AARS2: variants seen among roughly 807,000 people sequenced by gnomAD.
The protein encoded by AARS2 is alanyl-tRNA synthetase 2, mitochondrial, also known as alanine--tRNA ligase, mitochondrial.
A neutral mutation model predicts 119.7 loss-of-function variants in AARS2; 78 were observed. The ratio of observed to expected loss-of-function variants is 0.65; its 90% confidence interval spans 0.54 to 0.79. AARS2 has a LOEUF of 0.79. AARS2 is among the 30% of genes least tolerant of loss of function. AARS2 has a pLI of 0.00. For synonymous variants in AARS2, 502 were observed against 526.3 expected (o/e 0.95, Z 0.63); for missense variants, 1,157 against 1,291.3 (o/e 0.90, Z 1.59).
In AARS2 at chr6:44,299,401, T is replaced by A. The variant is rs1391846544; in HGVS notation, c.*1146A>T. ...AGCTGGGACCAAGGTGTGGGTAGTC[T>A]CAGCTACCTGGGAGGCTGAGGCATA... On this transcript the variant is annotated 3_prime_UTR_variant, in exon 22 of 22. Transcript: ENST00000244571. Among the ~76,000 whole-genome samples the A allele has an allele frequency of 6.6e-6, 1 of 151,632 alleles. No homozygotes were observed. Among genetic ancestry groups the A allele is most frequent in the Non-Finnish European group, 1.5e-5 (1 of 67,924 alleles).
intron 19 of AARS2, 43 bp from the exon 20 acceptor site, chr6:44,301,507 C>G: frequency 6.4e-7 from 1 of 1,567,102 alleles, no homozygotes; most frequent in Non-Finnish European, 8.8e-7. Flanking sequence ...GGCTGAGAGG[C>G]AGGTTTCCAA....
chr6:44,310,921 G>T, intron 4 of AARS2, 73 bp downstream of exon 4: 4 of 1,592,274 alleles, frequency 2.5e-6, no homozygotes, highest in Non-Finnish European at 3.4e-6. Flanking sequence ...ATATGAAACA[G>T]ATCAAAGTCT....
In AARS2 at chr6:44,310,348, G is replaced by T; in HGVS notation, c.845C>A (p.Ser282Tyr). Residue 282 changes from serine (S) to tyrosine (Y), a missense_variant, in exon 5 of 22, where the codon TCC (serine) becomes TAC (tyrosine). By Grantham distance (144) the Ser-to-Tyr change is moderately radical. Transcript: ENST00000244571. Reference protein sequence around the residue: ...RLVAVLQGKHSTYDTDLFSPL... With the variant: ...RLVAVLQGKHYTYDTDLFSPL... ...GGAAAAGAGGTCAGTGTCATAGGTG[G>T]AGTGTTTGCCTTGCAGCACAGCCAC... 1 of 1,613,364 alleles carries T rather than the reference G, an allele frequency of 6.2e-7. No homozygotes were observed.
At chr6:44,312,373 C>T in intron 1 of AARS2, 110 bp from the exon 2 acceptor site, 1 of 1,113,806 alleles carries the variant, frequency 9.0e-7, no homozygotes, top group Non-Finnish European at 1.3e-6. Flanking sequence ...GCTGACTGTG[C>T]CCCTGAGAGT....
chr6:44,308,427 T>C (rs1786051014), intron 5 of AARS2, among the ~76,000 whole-genome samples: 1 of 151,708 alleles, frequency 6.6e-6, no homozygotes, highest in African/African-American at 2.4e-5. Context: ...TAATCCCAGC[T>C]ACTCTGGAGG....
intron 9 of AARS2, 83 bp downstream of exon 9, chr6:44,306,196 TG>T: frequency 7.7e-7 from 1 of 1,301,256 alleles, no homozygotes; most frequent in African/African-American, 1.5e-5. Flanking sequence ...ATATGAGGCA[TG>T]GGGCTGGCCC....
At chr6:44,312,290 G>A (rs1296215746) in intron 1 of AARS2, 27 bp from the exon 2 acceptor site, 1 of 1,608,128 alleles carries the variant, frequency 6.2e-7, no homozygotes, top group South Asian at 1.1e-5. Context: ...TGGGGAGGGG[G>A]AGAGGGATAT....
In AARS2 at chr6:44,308,019, A is replaced by C. The variant is rs142787870; in HGVS notation, c.895-625T>G. ...GTCAATAGCCTGGGAGCCATCTTTG[A>C]ATTCTTTTTCCCCTACCCGTCATGA... On this transcript the variant is annotated intron_variant, in intron 5 of 21. Coordinates refer to ENST00000244571, the MANE Select transcript of AARS2 (RefSeq NM_020745.4). Among the ~76,000 whole-genome samples the C allele has an allele frequency of 1.8e-3, 274 of 152,278 alleles. 1 individual carries two copies. Among genetic ancestry groups the C allele is most frequent in the Middle Eastern group, 6.8e-3 (2 of 294 alleles).
intron 20 of AARS2, 27 bp from the exon 21 acceptor site, chr6:44,301,293 C>G: frequency 6.2e-7 from 1 of 1,613,414 alleles, no homozygotes; most frequent in East Asian, 2.2e-5. Context: ...AGATGGTGAG[C>G]CCATCGCTTC....
At chr6:44,311,263 G>A (rs1302069264) in intron 3 of AARS2, 102 bp from the exon 4 acceptor site, 19 of 1,600,568 alleles carry the variant, frequency 1.2e-5, no homozygotes, top group East Asian at 8.9e-5. Context: ...TCAGCAAGAG[G>A]AGGAACAGGG....
Position 44,304,225 on chromosome 6 carries a change from A to C in AARS2, c.1963T>G (p.Ser655Ala). 6.2e-7 allele frequency: 1 copy of C among 1,613,856 alleles called. No homozygotes were observed. The highest frequency in any genetic ancestry group is 1.3e-5 in the African/African-American group (1 of 74,950). Residue 655 changes from serine (S) to alanine (A), a missense_variant, in exon 14 of 22, where the codon TCC becomes GCC. By Grantham distance (99) the Ser-to-Ala change is moderately conservative. Transcript: ENST00000244571. ...CGCAGCTGCTCAGGATTGAGATGGG[A>C]GCCCTGCTGCTCTGTGCCAGGGCCC... is the stretch of plus-strand genomic sequence containing the variant. ...TLGPGTEQQG[S>A]HLNPEQLRLD...
Position 44,307,015 on chromosome 6 carries a change from T to C in AARS2, c.1057A>G (p.Ile353Val), listed in dbSNP as rs1381858096. The change falls in exon 7 of 22, where the codon ATC (isoleucine) becomes GTC (valine). Residue 353 changes from isoleucine (I) to valine (V), a missense_variant. By Grantham distance (29) the Ile-to-Val change is conservative (BLOSUM62 3). Transcript: ENST00000244571. The surrounding 1 kb of genome is among the most constrained non-coding windows in gnomAD (Gnocchi z 4.4). The stretch of plus-strand genomic sequence containing the variant: ...GAGAAACGCACAGCTCGACGCAGGA[T>C]CCGACGAAGAACCAGCCTAAAGGGG... ...MSGPPLVLRR[I>V]LRRAVRFSME... 6 of 1,613,838 alleles carry C rather than the reference T, an allele frequency of 3.7e-6. No homozygotes were observed. Among genetic ancestry groups the C allele is most frequent in the Non-Finnish European group, 5.1e-6 (6 of 1,179,976 alleles).
intron 5 of AARS2, among the ~76,000 whole-genome samples, chr6:44,309,938 T>C (rs1786201649): frequency 6.6e-6 from 1 of 152,228 alleles, no homozygotes; most frequent in African/African-American, 2.4e-5. Context: ...GTTCACAATC[T>C]GTAAGCTATT....
rs940671783 is a variant in AARS2 at position 44,305,330 on chromosome 6, G to A, written c.1435-132C>T. 2 of 1,405,484 alleles carry A rather than the reference G, an allele frequency of 1.4e-6. No homozygotes were observed. Among genetic ancestry groups the A allele is most frequent in the Middle Eastern group, 2.5e-4 (1 of 4,070 alleles). 87.1% of individuals were successfully genotyped at this position (1,405,484 alleles called of 1,614,324 possible). ...CAGCCCTTCTGGAATAAGAACTCAG[G>A]GCTTGGCTGGCTGCTAGAGCCCCTG... is the stretch of plus-strand genomic sequence containing the variant. On this transcript the variant is annotated intron_variant, in intron 10 of 21. Transcript: ENST00000244571. The surrounding 1 kb of genome is among the most constrained non-coding windows in gnomAD (Gnocchi z 4.6).
rs914465554 is a variant in AARS2 at position 44,307,696 on chromosome 6, G to C, written c.895-302C>G. 2 of 468,576 alleles carry C rather than the reference G, an allele frequency of 4.3e-6. No homozygotes were observed. The highest frequency in any genetic ancestry group is 3.9e-5 in the African/African-American group (2 of 51,278). 29.0% of individuals were successfully genotyped at this position (468,576 alleles called of 1,614,324 possible). ...TCCCCAAAACAGCCCATTCCAGGAG[G>C]TATTAGCATGCTTGCTTTAAAGAAG... On this transcript the variant is annotated intron_variant, in intron 5 of 21. Coordinates refer to ENST00000244571, the MANE Select transcript of AARS2 (RefSeq NM_020745.4). The surrounding 1 kb of genome is among the most constrained non-coding windows in gnomAD (Gnocchi z 4.4).
chr6:44,302,309 A>T, intron 18 of AARS2, 82 bp downstream of exon 18: 1 of 1,612,490 alleles, frequency 6.2e-7, no homozygotes, highest in South Asian at 1.1e-5. Flanking sequence ...TTGGAGTGCT[A>T]GGGAGAGTCT....
Position 44,303,398 on chromosome 6 carries a change from C to G in AARS2, c.2033G>C (p.Arg678Pro). The change falls in exon 15 of 22, where the codon CGG (arginine) becomes CCG (proline). Residue 678 changes from arginine to proline, a missense_variant. Transcript: ENST00000244571. ...CTCCTGCACAGTGTTCTCCACTGCC[C>G]GGAGCTGCTCTGGGGTCAATGGGGT... The part of the protein sequence containing the change: ...TQTPLTPEQL[R>P]AVENTVQEAV... 1 of 1,613,950 alleles carries G rather than the reference C, an allele frequency of 6.2e-7. No individual in the cohort carries two copies. The highest frequency in any genetic ancestry group is 8.5e-7 in the Non-Finnish European group (1 of 1,180,006).
At chr6:44,308,920 A>T (rs1212364049) in intron 5 of AARS2, among the ~76,000 whole-genome samples, 1 of 151,904 alleles carries the variant, frequency 6.6e-6, no homozygotes, top group Non-Finnish European at 1.5e-5. Flanking sequence ...TCTTCTCACC[A>T]CTCTGAGAAT....
At position 44,302,995 on chromosome 6, in the gene AARS2, T is replaced by C. The variant is rs541995956; in HGVS notation, c.2255+71A>G. 290 of 1,605,800 alleles carry C rather than the reference T, an allele frequency of 1.8e-4. 1 individual carries two copies. The East Asian group carries it at 6.4e-3, about 35-fold the overall frequency. Reference sequence around the variant, plus strand: ...GCGTGCATCTCCCATTAAGGGCTGATGGCTCCAAAGACCAAGGGAAGGGCA... The same window carrying C: ...GCGTGCATCTCCCATTAAGGGCTGACGGCTCCAAAGACCAAGGGAAGGGCA... On this transcript the variant is annotated intron_variant, in intron 16 of 21. Transcript: ENST00000244571.
Sources: gnomAD v4.1 joint callset for allele counts (sites outside exome capture counted in the v4.1 genomes callset) on GRCh38, gnomAD v4.1.1 for gene constraint, Gnocchi (gnomAD v3.1) non-coding constraint, MANE v1.5 for transcripts, NCBI Gene and HGNC (gene_info 2026-07-23, HGNC 2026-07-21) for gene names.